Variants in ZNF438 observed in about 807,000 individuals in gnomAD.
ZNF438 encodes zinc finger protein 438.
Under a neutral mutation model 38.0 loss-of-function variants are expected in ZNF438, and 25 were observed. The observed-to-expected ratio is 0.66, with a 90% CI of 0.48 to 0.92. The LOEUF is 0.92. ZNF438 is among the 40% of genes least tolerant of loss of function. The pLI, the probability that ZNF438 is intolerant of heterozygous loss-of-function variation, is 0.00. For synonymous variants in ZNF438, 372 were observed against 364.1 expected, an observed-to-expected ratio of 1.02 and a Z score of -0.25; for missense variants, 1,007 against 999.6, an observed-to-expected ratio of 1.01 and a Z score of -0.10.
intron 1 of ZNF438, among the ~76,000 whole-genome samples, chr10:30,948,333 A>C (rs538381029): frequency 4.3e-4 from 65 of 152,264 alleles, no homozygotes; most frequent in Non-Finnish European, 7.4e-4. Context: ...AACTCTAAAA[A>C]GCAGAGCACC....
chr10:30,850,006 TGATGCTTTGCTATTTCTA>T, exon 5 of ZNF438: 1 of 1,614,146 alleles, frequency 6.2e-7, no homozygotes, highest in South Asian at 1.1e-5. Flanking sequence ...GTTTCTTTCT[TGATGCTTTGCTATTTCTA>T]GGGGGTTGAT....
At chr10:30,850,065 G>A (rs140251352) in exon 5 of ZNF438, 2 of 1,614,024 alleles carry the variant, frequency 1.2e-6, no homozygotes, top group Non-Finnish European at 1.7e-6. Context: ...AGGTTTTCAG[G>A]TAGGGACATT....
At chr10:30,922,835 CAAA>C (rs1216963223) in intron 2 of ZNF438, among the ~76,000 whole-genome samples, 2 of 110,912 alleles carry the variant, frequency 1.8e-5, no homozygotes, top group African/African-American at 3.3e-5. Flanking sequence ...AACTTTGTCT[CAAA>C]AAAAAAAAAA....
chr10:30,928,043 G>A (rs79914952), intron 2 of ZNF438, among the ~76,000 whole-genome samples: 12,640 of 152,130 alleles, frequency 0.083, 606 homozygotes, highest in Non-Finnish European at 0.11. Context: ...GTACAATAAG[G>A]AATAAAATGT....
chr10:30,900,059 T>C (rs1041482417), intron 3 of ZNF438, among the ~76,000 whole-genome samples: 12 of 152,192 alleles, frequency 7.9e-5, no homozygotes, highest in African/African-American at 2.9e-4. Flanking sequence ...ATTTTCAGTT[T>C]TGTGGACCCT....
intron 1 of ZNF438, among the ~76,000 whole-genome samples, chr10:30,981,030 T>C (rs533536951): frequency 6.6e-6 from 1 of 152,344 alleles, no homozygotes; most frequent in Admixed American, 6.5e-5. Context: ...CTGGCATGTG[T>C]TGCAGTTTCT....
Position 30,916,277 on chromosome 10 carries a change from G to A in ZNF438, c.-114-7262C>T, listed in dbSNP as rs558308996. On this transcript the variant is annotated intron_variant, in intron 2 of 5. Coordinates refer to ENST00000413025, the Ensembl canonical transcript of ZNF438. The stretch of plus-strand genomic sequence containing the variant: ...GCCTACTTCTCATATTTTGCATATC[G>A]TATTATTGCTAAGAAGTATCCTTAA... Among the ~76,000 whole-genome samples the A allele has an allele frequency of 2.6e-4, 39 of 152,094 alleles. No homozygotes were observed. The South Asian group carries it at 5.8e-3, about 23-fold the overall frequency.
chr10:30,902,301 G>A (rs1298003652), intron 3 of ZNF438, among the ~76,000 whole-genome samples: 1 of 152,126 alleles, frequency 6.6e-6, no homozygotes, highest in Non-Finnish European at 1.5e-5. Flanking sequence ...CCCTGAGCTA[G>A]ACACAAAAAT....
At chr10:30,936,167 C>T (rs770702845) in intron 2 of ZNF438, among the ~76,000 whole-genome samples, 5 of 152,156 alleles carry the variant, frequency 3.3e-5, no homozygotes, top group South Asian at 2.1e-4. Context: ...CTTATGACTT[C>T]GGTTTTTTTA....
chr10:30,922,054 T>C (rs375066472), intron 2 of ZNF438, among the ~76,000 whole-genome samples: 1 of 152,192 alleles, frequency 6.6e-6, no homozygotes, highest in South Asian at 2.1e-4. Context: ...TATTAAGAAA[T>C]GGAGTACTTG....
At chr10:30,852,848 T>C (rs776713609) in intron 4 of ZNF438, among the ~76,000 whole-genome samples, 1 of 152,236 alleles carries the variant, frequency 6.6e-6, no homozygotes, top group Non-Finnish European at 1.5e-5. Context: ...GAGTGGTAAA[T>C]CACTTGACAA....
intron 3 of ZNF438, among the ~76,000 whole-genome samples, chr10:30,901,379 C>G (rs755482670): frequency 6.6e-5 from 10 of 151,886 alleles, no homozygotes; most frequent in Non-Finnish European, 1.2e-4. Context: ...CGCGGACCCT[C>G]GCGCTGAGTG....
At chr10:31,016,906 A>G (rs2056236739) in intron 1 of ZNF438, among the ~76,000 whole-genome samples, 1 of 152,158 alleles carries the variant, frequency 6.6e-6, no homozygotes, top group African/African-American at 2.4e-5. Context: ...TTCTAAAGGG[A>G]TAACTTGAAG....
At chr10:30,958,124 A>G (rs2049072360) in intron 1 of ZNF438, among the ~76,000 whole-genome samples, 1 of 146,600 alleles carries the variant, frequency 6.8e-6, no homozygotes, top group African/African-American at 2.4e-5. Context: ...AAAGAATAGC[A>G]TTCCTGGCCT....
intron 1 of ZNF438, among the ~76,000 whole-genome samples, chr10:30,994,582 G>T (rs916386664): frequency 6.6e-6 from 1 of 152,140 alleles, no homozygotes; most frequent in Non-Finnish European, 1.5e-5. Context: ...CTCACCAGAG[G>T]CTCGCACCAT....
chr10:30,954,681 A>G (rs934491494), intron 1 of ZNF438, among the ~76,000 whole-genome samples: 1 of 152,212 alleles, frequency 6.6e-6, no homozygotes, highest in Non-Finnish European at 1.5e-5. Context: ...AAGAAAAAAA[A>G]TGCCTCTCTA....
chr10:31,018,681 TA>T (rs1395538780), intron 1 of ZNF438, among the ~76,000 whole-genome samples: 32 of 152,348 alleles, frequency 2.1e-4, no homozygotes, highest in African/African-American at 6.0e-4. Context: ...AACCAGTGGC[TA>T]AAACAAGAAA....
intron 2 of ZNF438, among the ~76,000 whole-genome samples, chr10:30,932,221 A>T (rs111766409): frequency 0.012 from 1,860 of 152,296 alleles, 43 homozygotes; most frequent in African/African-American, 0.041. Context: ...AGTTGTATGC[A>T]TTAAAAAAAA....
intron 1 of ZNF438, among the ~76,000 whole-genome samples, chr10:30,950,174 G>A (rs2047993880): frequency 6.6e-6 from 1 of 150,838 alleles, no homozygotes; most frequent in Admixed American, 6.6e-5. Flanking sequence ...AATGAAGGCA[G>A]AAATAAAGAT....
Sources: gnomAD v4.1 joint callset for allele counts (sites outside exome capture counted in the v4.1 genomes callset) on GRCh38, gnomAD v4.1.1 for gene constraint, MANE v1.5 for transcripts, NCBI Gene and HGNC (gene_info 2026-07-23, HGNC 2026-07-21) for gene names.